The following QRFPR variants were observed in gnomAD, a reference collection of about 807,000 sequenced individuals.
The protein encoded by QRFPR is pyroglutamylated RF-amide peptide receptor.
Under a neutral mutation model 31.3 loss-of-function variants are expected in QRFPR, and 37 were observed. That is an observed-to-expected ratio of 1.18 (90% CI 0.91 to 1.56). The LOEUF (loss-of-function observed/expected upper bound fraction) is 1.56, where lower values mean the gene tolerates loss of function less well. Ranked by LOEUF, QRFPR falls within the 40% of genes most tolerant of loss-of-function variation. QRFPR has a pLI of 0.00. For synonymous variants in QRFPR, 197 were observed against 192.0 expected (o/e 1.03, Z -0.22); for missense variants, 542 against 532.5 (o/e 1.02, Z -0.18).
chr4:121,380,887 G>A lies in QRFPR; in HGVS notation c.-240C>T, dbSNP rs1460855821. 3 of 495,474 alleles carry A rather than the reference G, an allele frequency of 6.1e-6. No homozygotes were observed. The highest frequency in any genetic ancestry group is 2.0e-5 in the African/African-American group (1 of 50,668). 30.7% of individuals were successfully genotyped at this position (495,474 alleles called of 1,614,324 possible). A position where few individuals can be genotyped will look rare whatever the true frequency, so the allele number is the denominator to read the frequency against. On this transcript the variant is annotated 5_prime_UTR_variant, in exon 1 of 6. Coordinates refer to ENST00000394427, the MANE Select transcript of QRFPR (RefSeq NM_198179.3). ...AAGCACTGGGAGACTCGATCTCAGT[G>A]ACCAAAAAATGTTCGCGGTTCAAAT... is the stretch of plus-strand genomic sequence containing the variant.
chr4:121,335,197 A>G (rs1337828691), intron 3 of QRFPR, among the ~76,000 whole-genome samples: 1 of 151,514 alleles, frequency 6.6e-6, no homozygotes, highest in African/African-American at 2.4e-5. Flanking sequence ...TTTTTTAAAC[A>G]TATAAAAACA....
At chr4:121,337,004 G>T in intron 2 of QRFPR, 136 bp from the exon 3 acceptor site, 2 of 763,304 alleles carry the variant, frequency 2.6e-6, no homozygotes, top group Non-Finnish European at 4.7e-6. Flanking sequence ...TCTCCCCCAA[G>T]TTTCATGCTT....
chr4:121,380,222 AG>A (rs1370166645), intron 1 of QRFPR, 85 bp downstream of exon 1: 1 of 835,258 alleles, frequency 1.2e-6, no homozygotes, highest in African/African-American at 1.8e-5. Flanking sequence ...AGAGAGAGAG[AG>A]AGAGAGAGAG....
chr4:121,368,390 G>A (rs1161093024), intron 1 of QRFPR, among the ~76,000 whole-genome samples: 1 of 150,142 alleles, frequency 6.7e-6, no homozygotes, highest in African/African-American at 2.5e-5. Flanking sequence ...TTCTCTCTTA[G>A]GAAGCTTTTA....
chr4:121,376,543 G>GT (rs35472146), intron 1 of QRFPR, among the ~76,000 whole-genome samples: 2,345 of 136,266 alleles, frequency 0.017, 26 homozygotes, highest in Admixed American at 0.034. Flanking sequence ...TTCTGGGTTT[G>GT]TTTTTTTTTT....
At chr4:121,369,150 T>A (rs1726183842) in intron 1 of QRFPR, among the ~76,000 whole-genome samples, 2 of 152,168 alleles carry the variant, frequency 1.3e-5, no homozygotes, top group South Asian at 4.1e-4. Flanking sequence ...TGCCTCAGCC[T>A]CCCAAGTAGC....
At chr4:121,334,227 C>T (rs1348924726) in intron 3 of QRFPR, among the ~76,000 whole-genome samples, 4 of 152,220 alleles carry the variant, frequency 2.6e-5, no homozygotes, top group African/African-American at 9.6e-5. Flanking sequence ...TACGGACTTC[C>T]TGACTTCAGC....
chr4:121,364,901 C>G (rs991804588), intron 1 of QRFPR, among the ~76,000 whole-genome samples: 2 of 149,390 alleles, frequency 1.3e-5, no homozygotes, highest in African/African-American at 5.0e-5. Flanking sequence ...ATTTAATAAG[C>G]AGGTCTTTGT....
At position 121,370,014 on chromosome 4, in the gene QRFPR, T is replaced by G. The variant is rs1215199025; in HGVS notation, c.340+10294A>C. 1.2e-5 allele frequency: 9 copies of G among 770,534 alleles called. No individual in the cohort carries two copies. In the Admixed American group the frequency reaches 1.5e-4, roughly 13 times the overall value. The allele number at this position is 770,534 out of a possible 1,614,324, so 47.7% of individuals were successfully genotyped here. The stretch of plus-strand genomic sequence containing the variant: ...GCTGAAAGCTTTCCTGGGTCTGTTT[T>G]GTGATCACATAATTCATGACGACAT... On this transcript the variant is annotated intron_variant, in intron 1 of 5. Transcript: ENST00000394427.
chr4:121,380,541 T>C lies in QRFPR; in HGVS notation c.107A>G (p.Tyr36Cys). The change falls in exon 1 of 6, where the codon TAC becomes TGC. Residue 36 changes from tyrosine (Y) to cysteine (C), a missense_variant. Physicochemically the swap from Tyr to Cys is radical, Grantham distance 194 (BLOSUM62 -2). Transcript: ENST00000394427. ...IALYRLRPLV[Y>C]TPELPGRAKL... ...GGCGCGTCCCGGCAGCTCTGGGGTGTAGACGAGCGGTCGCAGCCGGTACAG... is the reference window on the plus strand; with the variant it reads ...GGCGCGTCCCGGCAGCTCTGGGGTGCAGACGAGCGGTCGCAGCCGGTACAG... 1 of 1,612,300 alleles carries C rather than the reference T, an allele frequency of 6.2e-7. No individual in the cohort carries two copies. The highest frequency in any genetic ancestry group is 1.3e-5 in the African/African-American group (1 of 75,018).
intron 1 of QRFPR, among the ~76,000 whole-genome samples, chr4:121,377,800 G>T (rs796583043): frequency 3.9e-5 from 6 of 152,090 alleles, no homozygotes; most frequent in African/African-American, 1.4e-4. Flanking sequence ...GTACTCTCAA[G>T]GTAGAACACT....
At position 121,329,392 on chromosome 4, in the gene QRFPR, C is replaced by T. The variant is rs779929468; in HGVS notation, c.1218G>A (p.Glu406=). 2 of 1,613,976 alleles carry T rather than the reference C, an allele frequency of 1.2e-6. No homozygotes were observed. The highest frequency in any genetic ancestry group is 2.2e-5 in the East Asian group (1 of 44,874). The part of the protein sequence containing the change: ...IEVKLCEQTE[E]KKKLKRHLAL... ...CAAGATGTCGTTTGAGCTTTTTCTT[C>T]TCCTCTGTCTGTTCACACAATTTGA... Residue 406 remains glutamate (E), a synonymous_variant, in exon 6 of 6, where the codon GAG becomes GAA. Coordinates refer to ENST00000394427, the MANE Select transcript of QRFPR (RefSeq NM_198179.3).
intron 1 of QRFPR, among the ~76,000 whole-genome samples, chr4:121,357,727 A>G (rs773496957): frequency 2.6e-5 from 4 of 152,214 alleles, no homozygotes; most frequent in South Asian, 2.1e-4. Context: ...AGCTTTTTAA[A>G]GTTCCCAGGT....
chr4:121,348,355 T>C (rs918575574), intron 1 of QRFPR, among the ~76,000 whole-genome samples: 1 of 152,174 alleles, frequency 6.6e-6, no homozygotes, highest in African/African-American at 2.4e-5. Flanking sequence ...ATTTTTACTA[T>C]TACATATCAA....
At chr4:121,363,646 C>T (rs906658609) in intron 1 of QRFPR, among the ~76,000 whole-genome samples, 2 of 149,910 alleles carry the variant, frequency 1.3e-5, no homozygotes, top group African/African-American at 2.5e-5. Context: ...TATAGAAAAG[C>T]CATATGGTAA....
intron 1 of QRFPR, among the ~76,000 whole-genome samples, chr4:121,358,514 T>A (rs1200859020): frequency 2.0e-5 from 3 of 152,214 alleles, no homozygotes; most frequent in African/African-American, 7.2e-5. Context: ...CCATACATAT[T>A]TTATTTATTA....
chr4:121,365,655 TTA>T (rs1238962252), intron 1 of QRFPR, among the ~76,000 whole-genome samples: 1 of 27,956 alleles, frequency 3.6e-5, no homozygotes, highest in Non-Finnish European at 6.0e-5. Flanking sequence ...ATATTATATA[TTA>T]TATATATTTT....
At chr4:121,362,861 C>T (rs1243188903) in intron 1 of QRFPR, among the ~76,000 whole-genome samples, 1 of 150,394 alleles carries the variant, frequency 6.6e-6, no homozygotes, top group Non-Finnish European at 1.5e-5. Flanking sequence ...ACTAACCATA[C>T]TTATCTGACA....
At position 121,332,922 on chromosome 4, in the gene QRFPR, A is replaced by G. The variant is rs1725357356; in HGVS notation, c.696T>C (p.Ile232=). Residue 232 remains isoleucine, a synonymous_variant, in exon 4 of 6, where the codon ATT becomes ATC. Transcript: ENST00000394427. ...LFLLPLMVML[I]LYSKIGYELW... ...GTTCATAACCAATTTTACTGTACAG[A>G]ATAAGCATCACCATAAGAGGCAGGA... 2 of 1,614,122 alleles carry G rather than the reference A, an allele frequency of 1.2e-6. No homozygotes were observed. The highest frequency in any genetic ancestry group is 1.7e-6 in the Non-Finnish European group (2 of 1,179,980).
Sources: gnomAD v4.1 joint callset for allele counts (sites outside exome capture counted in the v4.1 genomes callset) on GRCh38, gnomAD v4.1.1 for gene constraint, MANE v1.5 for transcripts, NCBI Gene and HGNC (gene_info 2026-07-23, HGNC 2026-07-21) for gene names.